YIPF2: variants seen among roughly 807,000 people sequenced by gnomAD.
YIPF2 encodes the protein Yip1 domain family member 2.
Under a neutral mutation model 38.8 loss-of-function variants are expected in YIPF2, and 30 were observed. The observed-to-expected ratio is 0.77, with a 90% CI of 0.58 to 1.05. The LOEUF is 1.05. Among genes scored for constraint, YIPF2 ranks in the 50% least tolerant of loss-of-function variants. The probability of loss-of-function intolerance (pLI) is 0.00; values close to 1 mark genes in which losing one functional copy is unlikely to be tolerated. For synonymous variants in YIPF2, 194 were observed against 183.8 expected, an observed-to-expected ratio of 1.06 and a Z score of -0.45; for missense variants, 401 against 409.7, an observed-to-expected ratio of 0.98 and a Z score of 0.18.
intron 4 of YIPF2, among the ~76,000 whole-genome samples, chr19:10,927,173 C>T (rs2083438672): frequency 6.6e-6 from 1 of 152,030 alleles, no homozygotes; most frequent in Non-Finnish European, 1.5e-5. Flanking sequence ...CCGCACCCGG[C>T]AGTTTTTGTA....
chr19:10,924,194 TG>T lies in YIPF2; in HGVS notation c.368-3del, dbSNP rs759205234. ...ACGTGGCACAGATCCAGAAGGGGCC[TG>T]GGGGTAGGGGGCACAGTCAGGGTCC... On this transcript the variant is annotated splice_polypyrimidine_tract_variant and splice_region_variant and intron_variant, in intron 5 of 9. Coordinates refer to ENST00000586748, the MANE Select transcript of YIPF2 (RefSeq NM_001321439.2). 3 of 1,609,638 alleles carry T rather than the reference TG, an allele frequency of 1.9e-6. No individual in the cohort carries two copies. The highest frequency in any genetic ancestry group is 1.3e-5 in the African/African-American group (1 of 74,978).
intron 5 of YIPF2, among the ~76,000 whole-genome samples, chr19:10,925,103 G>A (rs971657568): frequency 2.0e-5 from 3 of 152,038 alleles, no homozygotes; most frequent in African/African-American, 4.8e-5. Flanking sequence ...ATGGTGGCAC[G>A]TGCCTGTAAT....
chr19:10,927,682 CCCGGCTGCTGCTGCTGCTG>C lies in YIPF2; in HGVS notation c.208_226del (p.Gln70AspfsTer66). 6.2e-7 allele frequency: 1 copy of C among 1,613,824 alleles called. No individual in the cohort carries two copies. Among genetic ancestry groups the C allele is most frequent in the Non-Finnish European group, 8.5e-7 (1 of 1,180,016 alleles). On this transcript the variant is annotated frameshift_variant, in exon 4 of 10. Transcript: ENST00000586748. LOFTEE classifies it high-confidence loss of function. ...CTGATAGTAGCTGAAGGTCCAGAAT[CCCGGCTGCTGCTGCTGCTG>C]CTGCTCCTGCAGGAGCTGCACATTG...
At position 10,922,624 on chromosome 19, in the gene YIPF2, C is replaced by T. The variant is rs1409787317; in HGVS notation, c.*570G>A. The T allele has an allele frequency of 6.6e-6, 1 of 152,260 alleles. No homozygotes were observed. The highest frequency in any genetic ancestry group is 1.5e-5 in the Non-Finnish European group (1 of 68,088). The allele number at this position is 152,260 out of a possible 1,614,324, so 9.4% of individuals were successfully genotyped here. Reference sequence around the variant, plus strand: ...AGCTAACGTTAGGCCTGAGTAGCTCCCCTCCATCCTTGTAGACGCTCCAGT... The same window carrying T: ...AGCTAACGTTAGGCCTGAGTAGCTCTCCTCCATCCTTGTAGACGCTCCAGT... On this transcript the variant is annotated 3_prime_UTR_variant, in exon 10 of 10. Coordinates refer to ENST00000586748, the MANE Select transcript of YIPF2 (RefSeq NM_001321439.2).
Position 10,924,003 on chromosome 19 carries a change from G to C in YIPF2, c.485-4C>G, listed in dbSNP as rs368328686. 4.3e-6 allele frequency: 7 copies of C among 1,610,520 alleles called. No individual in the cohort carries two copies. The highest frequency in any genetic ancestry group is 2.7e-5 in the African/African-American group (2 of 74,890). ...ATGCTGATGCCTGCCACGGTCACTG[G>C]GGGGGGCAAGGTGAGCAGTCACCCC... On this transcript the variant is annotated splice_polypyrimidine_tract_variant and splice_region_variant and intron_variant, in intron 6 of 9. Transcript: ENST00000586748.
intron 4 of YIPF2, 132 bp from the exon 5 acceptor site, chr19:10,925,905 CTTTTTTTT>C: frequency 1.4e-5 from 6 of 434,272 alleles, no homozygotes; most frequent in Admixed American, 3.9e-5. Flanking sequence ...CTTTCCCTCT[CTTTTTTTT>C]TTTTTTTTTT....
chr19:10,925,998 C>T (rs530441368), intron 4 of YIPF2, among the ~76,000 whole-genome samples: 11 of 151,054 alleles, frequency 7.3e-5, no homozygotes, highest in Admixed American at 2.0e-4. Flanking sequence ...GCAACCTCTG[C>T]CTCCCGAGCT....
Position 10,922,596 on chromosome 19 carries a change from T to C in YIPF2, c.*598A>G, listed in dbSNP as rs926231302. On this transcript the variant is annotated 3_prime_UTR_variant, in exon 10 of 10. Coordinates refer to ENST00000586748, the MANE Select transcript of YIPF2 (RefSeq NM_001321439.2). The stretch of plus-strand genomic sequence containing the variant: ...TGTCACGGAAGGCGTCCTTTTTCCT[T>C]GTAGCTAACGTTAGGCCTGAGTAGC... 6.6e-6 allele frequency: 1 copy of C among 152,154 alleles called. No individual in the cohort carries two copies. The highest frequency in any genetic ancestry group is 1.5e-5 in the Non-Finnish European group (1 of 68,082). 9.4% of individuals were successfully genotyped at this position (152,154 alleles called of 1,614,324 possible). A position where few individuals can be genotyped will look rare whatever the true frequency, so the allele number is the denominator to read the frequency against.
intron 5 of YIPF2, among the ~76,000 whole-genome samples, chr19:10,924,609 T>G (rs1192920720): frequency 1.3e-5 from 2 of 152,076 alleles, no homozygotes; most frequent in African/African-American, 2.4e-5. Flanking sequence ...AGGCTCCAGT[T>G]CAAGCTCCCG....
chr19:10,924,025 C>G, intron 6 of YIPF2, 26 bp from the exon 7 acceptor site: 1 of 1,612,508 alleles, frequency 6.2e-7, no homozygotes, highest in South Asian at 1.1e-5. Context: ...TGAGCAGTCA[C>G]CCCCTGTACC....
intron 4 of YIPF2, among the ~76,000 whole-genome samples, chr19:10,926,637 G>A (rs1428653747): frequency 1.3e-5 from 2 of 149,230 alleles, no homozygotes; most frequent in South Asian, 4.2e-4. Flanking sequence ...AGTGATTCTC[G>A]AGCCTCAGAC....
In YIPF2 at chr19:10,922,489, TAG is replaced by T. The variant is rs899916252; in HGVS notation, c.*703_*704del. The T allele has an allele frequency of 2.6e-5, 3 of 114,222 alleles. No individual in the cohort carries two copies. Among genetic ancestry groups the T allele is most frequent in the African/African-American group, 3.5e-5 (1 of 28,716 alleles). The allele number at this position is 114,222 out of a possible 1,614,324, so 7.1% of individuals were successfully genotyped here. On this transcript the variant is annotated 3_prime_UTR_variant, in exon 10 of 10. Transcript: ENST00000586748. ...CCCCCCCGCCCCCCCACTCAAGAGT[TAG>T]AGCAGGTGGCTGCAGGCCTTGGGCC... is the stretch of plus-strand genomic sequence containing the variant.
At position 10,927,637 on chromosome 19, in the gene YIPF2, G is replaced by C; in HGVS notation, c.272C>G (p.Thr91Ser). 3.7e-6 allele frequency: 6 copies of C among 1,613,808 alleles called. No homozygotes were observed. The highest frequency in any genetic ancestry group is 5.1e-6 in the Non-Finnish European group (6 of 1,179,986). ...SYYQSFFDVD[T>S]SQVLDRIKGS... ...CTGCCTCCCCAGCCTGACCTGTGAG[G>C]TGTCCACGTCAAAGAAGCTCTGATA... Residue 91 changes from threonine to serine, a missense_variant, in exon 4 of 10, where the codon ACC becomes AGC. Coordinates refer to ENST00000586748, the MANE Select transcript of YIPF2 (RefSeq NM_001321439.2).
chr19:10,927,295 C>T (rs534652648), intron 4 of YIPF2, among the ~76,000 whole-genome samples: 19 of 152,322 alleles, frequency 1.2e-4, no homozygotes, highest in African/African-American at 3.8e-4. Flanking sequence ...GGAGCCACTG[C>T]GCCCAGTCCA....
intron 7 of YIPF2, 22 bp downstream of exon 7, chr19:10,923,811 C>T (rs1346518966): frequency 6.2e-7 from 1 of 1,607,490 alleles, no homozygotes; most frequent in East Asian, 2.2e-5. Flanking sequence ...CCACCACCCA[C>T]TCCGCGCCAG....
Position 10,923,066 on chromosome 19 carries a change from T to G in YIPF2, c.*128A>C. 2.0e-6 allele frequency: 1 copy of G among 505,750 alleles called. No homozygotes were observed. Among genetic ancestry groups the G allele is most frequent in the Non-Finnish European group, 3.4e-6 (1 of 290,326 alleles). 31.3% of individuals were successfully genotyped at this position (505,750 alleles called of 1,614,324 possible). A position where few individuals can be genotyped will look rare whatever the true frequency, so the allele number is the denominator to read the frequency against. ...GCATAGAAAATAAAAGTGTTTGCTTTGTAAGAAAAGTCTGGAAAGTAGCAG... is the reference window on the plus strand; with the variant it reads ...GCATAGAAAATAAAAGTGTTTGCTTGGTAAGAAAAGTCTGGAAAGTAGCAG... On this transcript the variant is annotated 3_prime_UTR_variant, in exon 10 of 10. Coordinates refer to ENST00000586748, the MANE Select transcript of YIPF2 (RefSeq NM_001321439.2).
At chr19:10,924,767 A>ACC (rs2083395367) in intron 5 of YIPF2, among the ~76,000 whole-genome samples, 1 of 79,824 alleles carries the variant, frequency 1.3e-5, no homozygotes, top group Non-Finnish European at 2.6e-5. Context: ...CACTCCCCCC[A>ACC]CCCCCACCTA....
chr19:10,924,628 T>A (rs1316495442), intron 5 of YIPF2, among the ~76,000 whole-genome samples: 1 of 152,052 alleles, frequency 6.6e-6, no homozygotes, highest in Non-Finnish European at 1.5e-5. Context: ...CGGGTGGGCA[T>A]CTCCGGCTTC....
At chr19:10,924,222 G>C (rs571943642) in intron 5 of YIPF2, 30 bp from the exon 6 acceptor site, 4 of 1,585,820 alleles carry the variant, frequency 2.5e-6, no homozygotes, top group Non-Finnish European at 3.4e-6. Flanking sequence ...TCAGGGTCCC[G>C]GGCCCTGCAC....
Sources: gnomAD v4.1 joint callset for allele counts (sites outside exome capture counted in the v4.1 genomes callset) on GRCh38, gnomAD v4.1.1 for gene constraint, MANE v1.5 for transcripts, NCBI Gene and HGNC (gene_info 2026-07-23, HGNC 2026-07-21) for gene names.